Variants in TMPRSS2 observed in about 807,000 individuals in gnomAD.
TMPRSS2 encodes transmembrane protease serine 2.
TMPRSS2 carries 59 observed loss-of-function variants against 67.4 expected under a neutral mutation model. The ratio of observed to expected loss-of-function variants is 0.88; its 90% CI spans 0.71 to 1.09. The LOEUF (loss-of-function observed/expected upper bound fraction) is 1.09, where lower values mean the gene tolerates loss of function less well. Ranked by LOEUF, TMPRSS2 falls within the 50% of genes least tolerant of loss-of-function variation. TMPRSS2 has a pLI of 0.00. For missense variants in TMPRSS2, 668 were observed against 642.7 expected, an observed-to-expected ratio of 1.04 and a Z score of -0.43; for synonymous variants, 257 against 257.0, an observed-to-expected ratio of 1.00 and a Z score of 0.00.
At chr21:41,468,333 C>A in intron 12 of TMPRSS2, 63 bp downstream of exon 12, 1 of 1,588,218 alleles carries the variant, frequency 6.3e-7, no homozygotes, top group South Asian at 1.1e-5. Context: ...AATGCCCTCT[C>A]TCTCATGGGG....
At position 41,489,873 on chromosome 21, in the gene TMPRSS2, C is replaced by T. The variant is rs561192574; in HGVS notation, c.239-280G>A. 3.9e-5 allele frequency among the ~76,000 whole-genome samples: 6 copies of T among 152,172 alleles called. No individual in the cohort carries two copies. In the East Asian group the frequency reaches 5.8e-4, roughly 15 times the overall value. On this transcript the variant is annotated intron_variant, in intron 3 of 13. Coordinates refer to ENST00000332149, the MANE Select transcript of TMPRSS2 (RefSeq NM_005656.4). ...AAAAAGTATGGTATGCTTCGCTGGG[C>T]GCAGTGGCTCATGCAGGTAATCCTA...
chr21:41,476,565 A>C lies in TMPRSS2; in HGVS notation c.727+12T>G. 1 of 1,612,832 alleles carries C rather than the reference A, an allele frequency of 6.2e-7. No individual in the cohort carries two copies. The highest frequency in any genetic ancestry group is 8.5e-7 in the Non-Finnish European group (1 of 1,179,356). ...TTAGAAGTATCAAAAGGGGGACTCC[A>C]GATGAACTTACCTATACAGCGTAAA... On this transcript the variant is annotated intron_variant, in intron 8 of 13. Transcript: ENST00000332149.
intron 5 of TMPRSS2, among the ~76,000 whole-genome samples, chr21:41,484,136 C>T (rs1423014549): frequency 1.3e-5 from 2 of 152,254 alleles, no homozygotes; most frequent in East Asian, 3.9e-4. Context: ...CCCAATTGTA[C>T]ATGTTTAATG....
At chr21:41,472,806 T>C (rs368644630) in intron 9 of TMPRSS2, among the ~76,000 whole-genome samples, 1 of 152,092 alleles carries the variant, frequency 6.6e-6, no homozygotes, top group African/African-American at 2.4e-5. Flanking sequence ...AAAAGCACTA[T>C]GTGTTTAAGG....
chr21:41,507,343 A>T (rs1257720020), intron 1 of TMPRSS2, among the ~76,000 whole-genome samples: 1 of 151,984 alleles, frequency 6.6e-6, no homozygotes, highest in Admixed American at 6.5e-5. Flanking sequence ...GAGGAGCCAG[A>T]CCGGCTCCTC....
At chr21:41,497,846 C>A (rs930521261) in intron 2 of TMPRSS2, among the ~76,000 whole-genome samples, 1 of 152,222 alleles carries the variant, frequency 6.6e-6, no homozygotes, top group Admixed American at 6.5e-5. Flanking sequence ...TTGTCCCTGC[C>A]CCCTGCCCTG....
chr21:41,507,095 A>T (rs1484871044), intron 1 of TMPRSS2, among the ~76,000 whole-genome samples: 1 of 152,194 alleles, frequency 6.6e-6, no homozygotes, highest in African/African-American at 2.4e-5. Context: ...GCTGTGCTCT[A>T]CGGCGGAGCG....
intron 3 of TMPRSS2, among the ~76,000 whole-genome samples, chr21:41,492,569 T>C (rs944619207): frequency 2.0e-5 from 3 of 152,258 alleles, no homozygotes; most frequent in African/African-American, 7.2e-5. Context: ...ATATATTAGA[T>C]GCCAACAGTG....
At chr21:41,507,674 C>T (rs964677814) in intron 1 of TMPRSS2, among the ~76,000 whole-genome samples, 6 of 152,342 alleles carry the variant, frequency 3.9e-5, no homozygotes, top group Admixed American at 2.0e-4. Context: ...TCCCAGTCCT[C>T]CTCCCCAAAG....
chr21:41,486,651 G>GT (rs1184368909), intron 5 of TMPRSS2: 1 of 152,176 alleles, frequency 6.6e-6, no homozygotes, highest in Non-Finnish European at 1.5e-5. Context: ...CTCTTAAAGA[G>GT]AAACGAGCCA....
intron 1 of TMPRSS2, among the ~76,000 whole-genome samples, chr21:41,501,677 G>C (rs962596107): frequency 2.1e-4 from 32 of 151,650 alleles, no homozygotes; most frequent in Non-Finnish European, 2.8e-4. Flanking sequence ...TAAAACAAGG[G>C]GGGGAATGTC....
At chr21:41,473,097 T>A (rs1293847549) in intron 9 of TMPRSS2, among the ~76,000 whole-genome samples, 1 of 152,124 alleles carries the variant, frequency 6.6e-6, no homozygotes, top group African/African-American at 2.4e-5. Flanking sequence ...TGGAGAATGT[T>A]CCACCTGCAC....
intron 1 of TMPRSS2, among the ~76,000 whole-genome samples, chr21:41,500,921 A>G (rs540964406): frequency 6.6e-6 from 1 of 152,310 alleles, no homozygotes; most frequent in Non-Finnish European, 1.5e-5. Flanking sequence ...ATTGCTTTCA[A>G]AGAGTCCTGC....
Position 41,503,069 on chromosome 21 carries a change from AC to A in TMPRSS2, c.-56-4881del, listed in dbSNP as rs748258264. Among the ~76,000 whole-genome samples, 5 of 152,250 alleles carry A rather than the reference AC, an allele frequency of 3.3e-5. No individual in the cohort carries two copies. In the East Asian group the frequency reaches 7.7e-4, roughly 23 times the overall value. On this transcript the variant is annotated intron_variant, in intron 1 of 13. Transcript: ENST00000332149. ...AAAATCTATGTGTTTTTATATACCAACAACAGACGATCGGAAATGTAAATTT... is the reference window on the plus strand; with the variant it reads ...AAAATCTATGTGTTTTTATATACCAAAACAGACGATCGGAAATGTAAATTT...
chr21:41,471,724 T>C, intron 10 of TMPRSS2, 82 bp downstream of exon 10: 2 of 1,465,644 alleles, frequency 1.4e-6, no homozygotes, highest in South Asian at 1.4e-5. Flanking sequence ...TCCCTTCCAT[T>C]TGGCATAGCA....
chr21:41,502,537 C>A lies in TMPRSS2; in HGVS notation c.-56-4348G>T, dbSNP rs1052594286. 4.1e-6 allele frequency: 4 copies of A among 985,232 alleles called. No homozygotes were observed. In the African/African-American group the frequency reaches 7.0e-5, roughly 17 times the overall value. The allele number at this position is 985,232 out of a possible 1,614,324, so 61.0% of individuals were successfully genotyped here. ...CACCACCACCATCCACGGACACATC[C>A]CAGCCAATGACCAAATCATCAAAAA... is the stretch of plus-strand genomic sequence containing the variant. On this transcript the variant is annotated intron_variant, in intron 1 of 13. Transcript: ENST00000332149.
intron 12 of TMPRSS2, chr21:41,468,157 G>T: frequency 3.2e-6 from 2 of 617,580 alleles, no homozygotes; most frequent in Non-Finnish European, 5.6e-6. Context: ...ACTTGTTTCT[G>T]TTCCACTGGC....
chr21:41,481,090 A>C (rs2091253992), intron 5 of TMPRSS2, among the ~76,000 whole-genome samples: 2 of 152,220 alleles, frequency 1.3e-5, no homozygotes, highest in South Asian at 4.1e-4. Context: ...TGCTCTCTAC[A>C]CAAGAGAATT....
chr21:41,469,015 T>A (rs1039702036), intron 11 of TMPRSS2, among the ~76,000 whole-genome samples: 2 of 152,142 alleles, frequency 1.3e-5, no homozygotes, highest in African/African-American at 4.8e-5. Flanking sequence ...GGCCTGCACT[T>A]GCCACCTCTG....
Sources: allele counts gnomAD v4.1 joint callset (sites outside exome capture counted in the v4.1 genomes callset), GRCh38; gene constraint gnomAD v4.1.1; transcripts MANE v1.5; gene names NCBI Gene and HGNC (gene_info 2026-07-23, HGNC 2026-07-21).